Variants in KIRREL3 observed in about 807,000 individuals in gnomAD.
The protein encoded by KIRREL3 is kirre like nephrin family adhesion molecule 3.
Under a neutral mutation model 89.7 loss-of-function variants are expected in KIRREL3, and 36 were observed. The ratio of observed to expected loss-of-function variants is 0.40; its 90% CI spans 0.31 to 0.53. The LOEUF is 0.53. KIRREL3 is among the 20% of genes least tolerant of loss of function. The probability of loss-of-function intolerance (pLI) is 0.49; values close to 1 mark genes in which losing one functional copy is unlikely to be tolerated. For synonymous variants in KIRREL3, 445 were observed against 441.4 expected, an observed-to-expected ratio of 1.01 and a Z score of -0.10; for missense variants, 864 against 1,056.6, an observed-to-expected ratio of 0.82 and a Z score of 2.53.
rs1944511250 is a variant in KIRREL3 at position 126,642,558 on chromosome 11, A to C, written c.56-79646T>G. On this transcript the variant is annotated intron_variant, in intron 1 of 16. Transcript: ENST00000525144. The surrounding 1 kb of genome is among the most constrained non-coding windows in gnomAD (Gnocchi z 4.9). The stretch of plus-strand genomic sequence containing the variant: ...AGCAAACTCTTACTCTAGGAAATAC[A>C]TGTTTGATTTTCTTGGGTGACCACC... 6.6e-6 allele frequency among the ~76,000 whole-genome samples: 1 copy of C among 152,176 alleles called. No individual in the cohort carries two copies. Among genetic ancestry groups the C allele is most frequent in the African/African-American group, 2.4e-5 (1 of 41,454 alleles).
rs1947920521 is a variant in KIRREL3, at chr11:126,715,498, T to A, written c.56-152586A>T. Among the ~76,000 whole-genome samples, 2 of 152,108 alleles carry A rather than the reference T, an allele frequency of 1.3e-5. No individual in the cohort carries two copies. The highest frequency in any genetic ancestry group is 4.8e-5 in the African/African-American group (2 of 41,422). On this transcript the variant is annotated intron_variant, in intron 1 of 16. Transcript: ENST00000525144. The surrounding 1 kb of genome is among the most constrained non-coding windows in gnomAD (Gnocchi z 4.4). ...ACTGTGATCTTAAGGAAAGAAATGATCAGGGCAAATGGCTCCAAATGAAGA... is the reference window on the plus strand; with the variant it reads ...ACTGTGATCTTAAGGAAAGAAATGAACAGGGCAAATGGCTCCAAATGAAGA...
rs193185874 is a variant in KIRREL3 at position 126,808,425 on chromosome 11, A to G, written c.55+192030T>C. Among the ~76,000 whole-genome samples the G allele has an allele frequency of 2.5e-4, 38 of 152,244 alleles. No individual in the cohort carries two copies. The highest frequency in any genetic ancestry group is 8.4e-4 in the African/African-American group (35 of 41,554). On this transcript the variant is annotated intron_variant, in intron 1 of 16. Coordinates refer to ENST00000525144, the MANE Select transcript of KIRREL3 (RefSeq NM_032531.4). This position sits in a 1 kb window ranked among gnomAD's most constrained non-coding sequence, Gnocchi z 4.1. Reference sequence around the variant, plus strand: ...CCCAATGTGGTGGGAGGGCTCTGCTAAGATGTAGAGCAGTTATTAAGGCCT... The same window carrying G: ...CCCAATGTGGTGGGAGGGCTCTGCTGAGATGTAGAGCAGTTATTAAGGCCT...
At position 126,896,360 on chromosome 11, in the gene KIRREL3, C is replaced by A. The variant is rs1405773387; in HGVS notation, c.55+104095G>T. Among the ~76,000 whole-genome samples the A allele has an allele frequency of 6.6e-6, 1 of 152,212 alleles. No homozygotes were observed. The highest frequency in any genetic ancestry group is 1.5e-5 in the Non-Finnish European group (1 of 68,042). On this transcript the variant is annotated intron_variant, in intron 1 of 16. Transcript: ENST00000525144. The surrounding 1 kb of genome is among the most constrained non-coding windows in gnomAD (Gnocchi z 4.1). ...CCAGAAAACCTGAGCAGGTCAGGGG[C>A]TTCTCTGACTCCTCTCCACATTTGA...
At position 126,423,453 on chromosome 11, in the gene KIRREL3, C is replaced by G. The variant is rs1363109682; in HGVS notation, c.*1127G>C. On this transcript the variant is annotated 3_prime_UTR_variant, in exon 17 of 17. Transcript: ENST00000525144. ...AACGCATTCTATGAGCTCTTGGGTT[C>G]TTCCTGTGGCTTTGTAGGAACAAAA... The G allele has an allele frequency of 3.3e-5, 5 of 152,162 alleles. No homozygotes were observed. Among genetic ancestry groups the G allele is most frequent in the African/African-American group, 1.2e-4 (5 of 41,430 alleles). The allele number at this position is 152,162 out of a possible 1,614,324, so 9.4% of individuals were successfully genotyped here. A position where few individuals can be genotyped will look rare whatever the true frequency, so the allele number is the denominator to read the frequency against.
At chr11:127,001,670 G>A (rs1043669002), upstream of KIRREL3, among the ~76,000 whole-genome samples, 1 of 151,992 alleles carries the variant, frequency 6.6e-6, no homozygotes, top group African/African-American at 2.4e-5. Context: ...AATCAAACTC[G>A]GTTTCCTCCA....
chr11:126,450,583 G>A (rs1286357136), intron 7 of KIRREL3, among the ~76,000 whole-genome samples: 1 of 151,776 alleles, frequency 6.6e-6, no homozygotes, highest in Non-Finnish European at 1.5e-5. Flanking sequence ...ATGTGTGCAT[G>A]TGCATGTGTG....
chr11:126,577,373 G>GT (rs1941309235), intron 1 of KIRREL3, among the ~76,000 whole-genome samples: 1 of 152,062 alleles, frequency 6.6e-6, no homozygotes, highest in Non-Finnish European at 1.5e-5. Flanking sequence ...TGGGAAAAAG[G>GT]TCCAGGGCAT....
intron 5 of KIRREL3, among the ~76,000 whole-genome samples, chr11:126,468,541 G>A (rs1174971393): frequency 6.6e-6 from 1 of 152,216 alleles, no homozygotes; most frequent in Non-Finnish European, 1.5e-5. Context: ...GGGGCCTGGT[G>A]CCCTCCAGGG....
chr11:126,450,893 G>A (rs930922071), intron 7 of KIRREL3, among the ~76,000 whole-genome samples: 59 of 147,116 alleles, frequency 4.0e-4, no homozygotes, highest in South Asian at 1.5e-3. Context: ...GTGCATGTGC[G>A]TGTGTGCATG....
chr11:126,467,795 G>A (rs976769637), intron 5 of KIRREL3, among the ~76,000 whole-genome samples: 2 of 152,158 alleles, frequency 1.3e-5, no homozygotes, highest in African/African-American at 2.4e-5. Flanking sequence ...GAGGCCAGAG[G>A]CCAGAGGGGT....
At chr11:126,741,205 C>G (rs1323285102) in intron 1 of KIRREL3, among the ~76,000 whole-genome samples, 4 of 152,192 alleles carry the variant, frequency 2.6e-5, no homozygotes, top group African/African-American at 7.2e-5. Flanking sequence ...TTCCACTTTT[C>G]CCACTCCCTT....
At chr11:126,648,896 G>A (rs1478915865) in intron 1 of KIRREL3, among the ~76,000 whole-genome samples, 2 of 152,184 alleles carry the variant, frequency 1.3e-5, no homozygotes, top group African/African-American at 2.4e-5. Flanking sequence ...GGTGTGTCAT[G>A]TTGGAAAATG....
rs1448559473 is a variant in KIRREL3 at position 126,476,671 on chromosome 11, G to C, written c.434-3205C>G. Reference sequence around the variant, plus strand: ...CCAGATGGGGGTGGGGGCTGGGGGGGGGTGGGGGTTGGTGAGGATGGAGGA... The same window carrying C: ...CCAGATGGGGGTGGGGGCTGGGGGGCGGTGGGGGTTGGTGAGGATGGAGGA... On this transcript the variant is annotated intron_variant, in intron 4 of 16. Coordinates refer to ENST00000525144, the MANE Select transcript of KIRREL3 (RefSeq NM_032531.4). This position sits in a 1 kb window ranked among gnomAD's most constrained non-coding sequence, Gnocchi z 6.4. 1.4e-5 allele frequency among the ~76,000 whole-genome samples: 2 copies of C among 146,350 alleles called. No individual in the cohort carries two copies. The highest frequency in any genetic ancestry group is 6.8e-5 in the Admixed American group (1 of 14,768).
At position 126,795,412 on chromosome 11, in the gene KIRREL3, C is replaced by T. The variant is rs543192820; in HGVS notation, c.55+205043G>A. Among the ~76,000 whole-genome samples the T allele has an allele frequency of 6.6e-6, 1 of 152,248 alleles. No homozygotes were observed. The highest frequency in any genetic ancestry group is 2.1e-4 in the South Asian group (1 of 4,812). On this transcript the variant is annotated intron_variant, in intron 1 of 16. Transcript: ENST00000525144. This position sits in a 1 kb window ranked among gnomAD's most constrained non-coding sequence, Gnocchi z 4.1. Reference sequence around the variant, plus strand: ...TGAGACAGAGTCTCAGTCTGTGACCCAGCCTGGAGTGCAGTGGCGTGATCT... The same window carrying T: ...TGAGACAGAGTCTCAGTCTGTGACCTAGCCTGGAGTGCAGTGGCGTGATCT...
intron 1 of KIRREL3, among the ~76,000 whole-genome samples, chr11:126,884,898 T>C (rs888045012): frequency 6.6e-6 from 1 of 152,122 alleles, no homozygotes; most frequent in Non-Finnish European, 1.5e-5. Flanking sequence ...TGGCTTCCAA[T>C]TAGACAGTCA....
chr11:126,566,941 A>C lies in KIRREL3; in HGVS notation c.56-4029T>G, dbSNP rs895816383. 6.6e-6 allele frequency among the ~76,000 whole-genome samples: 1 copy of C among 152,226 alleles called. No individual in the cohort carries two copies. Among genetic ancestry groups the C allele is most frequent in the Non-Finnish European group, 1.5e-5 (1 of 68,032 alleles). ...TAAAGTGACAATTTAAGGCCAACAC[A>C]CTAGCTGGTGATAGTGCCCATGCTG... On this transcript the variant is annotated intron_variant, in intron 1 of 16. Coordinates refer to ENST00000525144, the MANE Select transcript of KIRREL3 (RefSeq NM_032531.4). The surrounding 1 kb of genome is among the most constrained non-coding windows in gnomAD (Gnocchi z 4.9).
chr11:126,910,095 C>T (rs892577860), intron 1 of KIRREL3, among the ~76,000 whole-genome samples: 4 of 152,102 alleles, frequency 2.6e-5, no homozygotes, highest in Admixed American at 6.5e-5. Context: ...GAGTCCATCA[C>T]CAGCTATTTT....
At position 126,877,915 on chromosome 11, in the gene KIRREL3, A is replaced by G. The variant is rs1945350306; in HGVS notation, c.55+122540T>C. Among the ~76,000 whole-genome samples, 1 of 152,118 alleles carries G rather than the reference A, an allele frequency of 6.6e-6. No homozygotes were observed. Among genetic ancestry groups the G allele is most frequent in the African/African-American group, 2.4e-5 (1 of 41,414 alleles). ...AACAGTTGCAGCGTGTTAAGGCTGG[A>G]ACTCCCCCCTAGAGACATAGTCCAA... On this transcript the variant is annotated intron_variant, in intron 1 of 16. Transcript: ENST00000525144. This position sits in a 1 kb window ranked among gnomAD's most constrained non-coding sequence, Gnocchi z 4.9.
rs570242248 is a variant in KIRREL3, at chr11:126,489,076, G to T, written c.434-15610C>A. Reference sequence around the variant, plus strand: ...CTGACCTCCACTAGACTGCGCTTAGGCATCTGGAGCGCAGCAGTCAGTCTC... The same window carrying T: ...CTGACCTCCACTAGACTGCGCTTAGTCATCTGGAGCGCAGCAGTCAGTCTC... On this transcript the variant is annotated intron_variant, in intron 4 of 16. Transcript: ENST00000525144. The surrounding 1 kb of genome is among the most constrained non-coding windows in gnomAD (Gnocchi z 5.5). 5.3e-4 allele frequency among the ~76,000 whole-genome samples: 80 copies of T among 152,288 alleles called. No individual in the cohort carries two copies. Among genetic ancestry groups the T allele is most frequent in the African/African-American group, 1.9e-3 (78 of 41,566 alleles).
Sources: gnomAD v4.1 joint callset for allele counts (sites outside exome capture counted in the v4.1 genomes callset) on GRCh38, gnomAD v4.1.1 for gene constraint, Gnocchi (gnomAD v3.1) non-coding constraint, MANE v1.5 for transcripts, NCBI Gene and HGNC (gene_info 2026-07-23, HGNC 2026-07-21) for gene names.